Variants in FKBP10 observed in about 807,000 individuals in gnomAD.
FKBP10 encodes FKBP prolyl isomerase 10, also known as peptidyl-prolyl cis-trans isomerase FKBP10.
Under a neutral mutation model 53.7 loss-of-function variants are expected in FKBP10, and 34 were observed. The observed-to-expected ratio is 0.63, with a 90% CI of 0.48 to 0.84. The LOEUF is 0.84. Ranked by LOEUF, FKBP10 falls within the 40% of genes least tolerant of loss-of-function variation. The probability of loss-of-function intolerance (pLI) is 0.00; values close to 1 mark genes in which losing one functional copy is unlikely to be tolerated. For missense variants in FKBP10, 748 were observed against 797.8 expected (o/e 0.94, Z 0.75); for synonymous variants, 324 against 335.7 (o/e 0.97, Z 0.38).
chr17:41,820,474 G>T lies in FKBP10; in HGVS notation c.1256+13G>T, dbSNP rs201251626. The T allele has an allele frequency of 3.7e-5, 59 of 1,613,302 alleles. No individual in the cohort carries two copies. Among genetic ancestry groups the T allele is most frequent in the Admixed American group, 5.0e-5 (3 of 60,008 alleles). On this transcript the variant is annotated intron_variant, in intron 7 of 9. Transcript: ENST00000321562. ...AGCTGTTCACCTCGTGGGTCCGGGG[G>T]GGGGCCGGGACTGGGCAGGTGGGTG...
chr17:41,818,139 G>C lies in FKBP10; in HGVS notation c.442G>C (p.Asp148His). 2 of 1,613,842 alleles carry C rather than the reference G, an allele frequency of 1.2e-6. No homozygotes were observed. Among genetic ancestry groups the C allele is most frequent in the Non-Finnish European group, 1.7e-6 (2 of 1,179,918 alleles). Reference protein sequence around the residue: ...ATLYFDVVLLDVWNKEDTVQV... With the variant: ...ATLYFDVVLLHVWNKEDTVQV... ...CCTCTACTTCGATGTGGTTCTGCTG[G>C]ATGTGTGGAACAAGGAAGACACCGT... is the stretch of plus-strand genomic sequence containing the variant. Residue 148 changes from aspartate (D) to histidine (H), a missense_variant, in exon 3 of 10, where the codon GAT (aspartate) becomes CAT (histidine). By Grantham distance (81) the Asp-to-His change is moderately conservative. Coordinates refer to ENST00000321562, the MANE Select transcript of FKBP10 (RefSeq NM_021939.4).
chr17:41,817,196 C>T lies in FKBP10; in HGVS notation c.384C>T (p.Ile128=), dbSNP rs781898535. Residue 128 remains isoleucine, a synonymous_variant, in exon 2 of 10, where the codon ATC becomes ATT. Transcript: ENST00000321562. ...IVPPHLGYGS[I]GLAGLIPPDA... is the part of the protein sequence containing the mutation. ...CTCCCCACCTGGGCTATGGGAGCAT[C>T]GGCCTGGGTGAGAAGGGCTGGGGCA... The T allele has an allele frequency of 3.7e-6, 6 of 1,613,004 alleles. No individual in the cohort carries two copies. Among genetic ancestry groups the T allele is most frequent in the South Asian group, 3.3e-5 (3 of 91,080 alleles).
rs2047825229 is a variant in FKBP10, at chr17:41,817,072, C to T, written c.260C>T (p.Thr87Ile). Residue 87 changes from threonine (T) to isoleucine (I), a missense_variant, in exon 2 of 10, where the codon ACC becomes ATC. By Grantham distance (89) the Thr-to-Ile change is moderately conservative. Transcript: ENST00000321562. Reference protein sequence around the residue: ...KKFDSSYDRNTLVAIVVGVGR... With the variant: ...KKFDSSYDRNILVAIVVGVGR... ...TCCCCCCCCAGCTATGATCGCAACACCTTGGTGGCCATCGTGGTGGGTGTG... is the reference window on the plus strand; with the variant it reads ...TCCCCCCCCAGCTATGATCGCAACATCTTGGTGGCCATCGTGGTGGGTGTG... 4 of 1,614,080 alleles carry T rather than the reference C, an allele frequency of 2.5e-6. No homozygotes were observed. Among genetic ancestry groups the T allele is most frequent in the Non-Finnish European group, 3.4e-6 (4 of 1,180,046 alleles).
chr17:41,814,657 T>A (rs2047792655), intron 1 of FKBP10, among the ~76,000 whole-genome samples: 1 of 152,158 alleles, frequency 6.6e-6, no homozygotes, highest in South Asian at 2.1e-4. Flanking sequence ...CCTTGACTGC[T>A]AGGAGTGAGG....
chr17:41,817,331 A>G, intron 2 of FKBP10, 128 bp downstream of exon 2: 2 of 1,275,062 alleles, frequency 1.6e-6, no homozygotes, highest in East Asian at 4.8e-5. Context: ...TGCACGCAGT[A>G]TGAAGAGTGG....
intron 7 of FKBP10, 106 bp from the exon 8 acceptor site, chr17:41,820,841 G>C: frequency 6.8e-7 from 1 of 1,477,416 alleles, no homozygotes; most frequent in Non-Finnish European, 9.1e-7. Flanking sequence ...ACCAGTGGGA[G>C]TAACTCCGGA....
Position 41,819,312 on chromosome 17 carries a change from C to T in FKBP10, c.830C>T (p.Pro277Leu), listed in dbSNP as rs149339744. The T allele has an allele frequency of 1.2e-6, 2 of 1,614,152 alleles. No homozygotes were observed. The highest frequency in any genetic ancestry group is 1.6e-4 in the Middle Eastern group (1 of 6,062). The change falls in exon 5 of 10, where the codon CCC becomes CTC. Residue 277 changes from proline (P) to leucine (L), a missense_variant. Physicochemically the swap from Pro to Leu is moderately conservative, Grantham distance 98. Transcript: ENST00000321562. ...AVQLETLELP[P>L]GCVRRAGAGD... ...CAGCTAGAGACGCTGGAGCTCCCCC[C>T]CGGCTGTGTCCGCAGAGCCGGGGCC...
intron 1 of FKBP10, among the ~76,000 whole-genome samples, chr17:41,815,626 T>G (rs2144048517): frequency 1.3e-5 from 2 of 151,232 alleles, no homozygotes; most frequent in South Asian, 4.2e-4. Flanking sequence ...CACAATTTTT[T>G]TTGTATTTTT....
intron 4 of FKBP10, 122 bp from the exon 5 acceptor site, chr17:41,819,088 C>T (rs1032574006): frequency 3.9e-5 from 40 of 1,026,146 alleles, no homozygotes; most frequent in African/African-American, 4.8e-5. Flanking sequence ...TGCTGATGGG[C>T]GGGAAAGGGC....
Position 41,822,224 on chromosome 17 carries a change from TCTC to T in FKBP10, c.1567_1569del (p.Ser523del). 1 of 1,612,182 alleles carries T rather than the reference TCTC, an allele frequency of 6.2e-7. No individual in the cohort carries two copies. Among genetic ancestry groups the T allele is most frequent in the African/African-American group, 1.3e-5 (1 of 74,994 alleles). ...TCCCCCGGCTCTCCCCTGCCCCAGT[TCTC>T]CACCTTCATCAAGGCTCAAGTGAGT... On this transcript the variant is annotated inframe_deletion and splice_region_variant, in exon 10 of 10. Transcript: ENST00000321562.
In FKBP10 at chr17:41,820,478, GC is replaced by G; in HGVS notation, c.1256+19del. On this transcript the variant is annotated intron_variant, in intron 7 of 9. Coordinates refer to ENST00000321562, the MANE Select transcript of FKBP10 (RefSeq NM_021939.4). The stretch of plus-strand genomic sequence containing the variant: ...GTTCACCTCGTGGGTCCGGGGGGGG[GC>G]CGGGACTGGGCAGGTGGGTGGGCAC... 6.2e-7 allele frequency: 1 copy of G among 1,611,724 alleles called. No homozygotes were observed. Among genetic ancestry groups the G allele is most frequent in the Non-Finnish European group, 8.5e-7 (1 of 1,178,974 alleles).
In FKBP10 at chr17:41,819,380, G is replaced by C. The variant is rs782321765; in HGVS notation, c.898G>C (p.Gly300Arg). The C allele has an allele frequency of 1.9e-6, 3 of 1,613,950 alleles. No individual in the cohort carries two copies. Among genetic ancestry groups the C allele is most frequent in the Non-Finnish European group, 2.5e-6 (3 of 1,180,016 alleles). Residue 300 changes from glycine to arginine, a missense_variant, in exon 5 of 10, where the codon GGC (glycine) becomes CGC (arginine). Physicochemically the swap from Gly to Arg is moderately radical, Grantham distance 125. Coordinates refer to ENST00000321562, the MANE Select transcript of FKBP10 (RefSeq NM_021939.4). ...CCACTACAATGGCTCCTTGATGGAC[G>C]GCACCCTCTTCGATTCCAGGTCAGG... ...RYHYNGSLMD[G>R]TLFDSSYSRN... is the part of the protein sequence containing the mutation.
rs1320029279 is a variant in FKBP10 at position 41,821,915 on chromosome 17, C to T, written c.1563+98C>T. The T allele has an allele frequency of 2.1e-6, 3 of 1,457,028 alleles. No homozygotes were observed. In the African/African-American group the frequency reaches 4.2e-5, roughly 20 times the overall value. 90.3% of individuals were successfully genotyped at this position (1,457,028 alleles called of 1,614,324 possible). On this transcript the variant is annotated intron_variant, in intron 9 of 9. Transcript: ENST00000321562. ...GTCCCCCGTCCGGACTGCCCACCCG[C>T]CCTGGTGCTCCTGCCTGCGCTGAGT... is the stretch of plus-strand genomic sequence containing the variant.
At position 41,822,205 on chromosome 17, in the gene FKBP10, G is replaced by A. The variant is rs782085843; in HGVS notation, c.1564-18G>A. 3.7e-6 allele frequency: 6 copies of A among 1,607,868 alleles called. No homozygotes were observed. The highest frequency in any genetic ancestry group is 3.4e-5 in the Admixed American group (2 of 59,340). On this transcript the variant is annotated intron_variant, in intron 9 of 9. Transcript: ENST00000321562. ...CATGACCCTCACTGCCCGCTCCCCC[G>A]GCTCTCCCCTGCCCCAGTTCTCCAC... is the stretch of plus-strand genomic sequence containing the variant.
chr17:41,813,007 A>T lies in FKBP10; in HGVS notation c.-28A>T. ...GGTGGCGACTCCCTCGCTCGCCCTC[A>T]CTGCCGGCGGTCCCAACTCCAGGCA... On this transcript the variant is annotated 5_prime_UTR_variant, in exon 1 of 10. Coordinates refer to ENST00000321562, the MANE Select transcript of FKBP10 (RefSeq NM_021939.4). 1 of 1,608,722 alleles carries T rather than the reference A, an allele frequency of 6.2e-7. No homozygotes were observed. The highest frequency in any genetic ancestry group is 1.1e-5 in the South Asian group (1 of 90,896).
intron 1 of FKBP10, among the ~76,000 whole-genome samples, chr17:41,815,797 A>T (rs1555616022): frequency 2.6e-5 from 4 of 151,876 alleles, no homozygotes; most frequent in Non-Finnish European, 4.4e-5. Context: ...TAAAAAAAAA[A>T]AAATCTCCCA....
At position 41,822,338 on chromosome 17, in the gene FKBP10, G is replaced by C. The variant is rs1264319557; in HGVS notation, c.1679G>C (p.Gly560Ala). Residue 560 changes from glycine (G) to alanine (A), a missense_variant, in exon 10 of 10, where the codon GGC becomes GCC. Transcript: ENST00000321562. Reference sequence around the variant, plus strand: ...CAGAACCAGGACCGCAACCAGGACGGCAAGATCACAGTCGACGAGCTCAAG... The same window carrying C: ...CAGAACCAGGACCGCAACCAGGACGCCAAGATCACAGTCGACGAGCTCAAG... ...MFQNQDRNQD[G>A]KITVDELKLK... The C allele has an allele frequency of 2.5e-6, 4 of 1,613,494 alleles. No homozygotes were observed. Among genetic ancestry groups the C allele is most frequent in the Non-Finnish European group, 3.4e-6 (4 of 1,179,738 alleles).
In FKBP10 at chr17:41,818,262, A is replaced by T. The variant is rs782506402; in HGVS notation, c.565A>T (p.Thr189Ser). 1 of 1,613,442 alleles carries T rather than the reference A, an allele frequency of 6.2e-7. No homozygotes were observed. The highest frequency in any genetic ancestry group is 8.5e-7 in the Non-Finnish European group (1 of 1,180,006). Residue 189 changes from threonine (T) to serine (S), a missense_variant, in exon 3 of 10, where the codon ACC becomes TCC. By Grantham distance (58) the Thr-to-Ser change is moderately conservative. Transcript: ENST00000321562. The part of the protein sequence containing the change: ...YHYNGTLLDG[T>S]SFDTSYSKGG... ...CTACAATGGCACCCTGCTGGACGGC[A>T]CCTCCTTCGACACCAGGTGAGGGGC...
At position 41,819,217 on chromosome 17, in the gene FKBP10, G is replaced by A; in HGVS notation, c.735G>A (p.Val245=). ...LAYGEKGYGT[V]IPPQASLVFH... ...GCCCTATCCCTTCCCCAGGGACAGT[G>A]ATCCCCCCACAGGCCTCGCTGGTCT... Residue 245 remains valine, a synonymous_variant, in exon 5 of 10, where the codon GTG becomes GTA. Coordinates refer to ENST00000321562, the MANE Select transcript of FKBP10 (RefSeq NM_021939.4). The A allele has an allele frequency of 6.2e-7, 1 of 1,614,140 alleles. No homozygotes were observed. Among genetic ancestry groups the A allele is most frequent in the Non-Finnish European group, 8.5e-7 (1 of 1,180,012 alleles).
Sources: gnomAD v4.1 joint callset for allele counts (sites outside exome capture counted in the v4.1 genomes callset) on GRCh38, gnomAD v4.1.1 for gene constraint, MANE v1.5 for transcripts, NCBI Gene and HGNC (gene_info 2026-07-23, HGNC 2026-07-21) for gene names.